BASP1: variants seen among roughly 807,000 people sequenced by gnomAD.
The protein encoded by BASP1 is brain abundant membrane attached signal protein 1, also known as brain acid soluble protein 1.
A neutral mutation model predicts 2.2 loss-of-function variants in BASP1; 1 was observed. That is an observed-to-expected ratio of 0.46 (90% CI 0.16 to 2.17). The LOEUF (loss-of-function observed/expected upper bound fraction) is 2.17, where lower values mean the gene tolerates loss of function less well. Among genes scored for constraint, BASP1 ranks in the 30% most tolerant of loss-of-function variants. The pLI is 0.27. For synonymous variants in BASP1, 187 were observed against 154.2 expected (o/e 1.21, Z -1.58); for missense variants, 352 against 327.2 (o/e 1.08, Z -0.58).
rs1739750264 is a variant in BASP1, at chr5:17,236,440, T to G, written c.-10+18630T>G. The stretch of plus-strand genomic sequence containing the variant: ...CACCATGCCTGGCTAATTTTTTGTA[T>G]TTTTAGTAGAGACGGGGTTTCGCCT... On this transcript the variant is annotated intron_variant, in intron 1 of 1. Transcript: ENST00000322611. This position sits in a 1 kb window ranked among gnomAD's most constrained non-coding sequence, Gnocchi z 4.0. Among the ~76,000 whole-genome samples the G allele has an allele frequency of 6.6e-6, 1 of 152,122 alleles. No homozygotes were observed. Among genetic ancestry groups the G allele is most frequent in the African/African-American group, 2.4e-5 (1 of 41,428 alleles).
In BASP1 at chr5:17,250,226, C is replaced by T. The variant is rs113532238; in HGVS notation, c.-9-24982C>T. 2.3e-3 allele frequency among the ~76,000 whole-genome samples: 349 copies of T among 152,300 alleles called. 1 individual carries two copies. The highest frequency in any genetic ancestry group is 8.1e-3 in the African/African-American group (338 of 41,562). Reference sequence around the variant, plus strand: ...CCTCCCAAAGTGCTGGGATGATAGGCGTGAGCCACCGCGCCCGGCCCTGAT... The same window carrying T: ...CCTCCCAAAGTGCTGGGATGATAGGTGTGAGCCACCGCGCCCGGCCCTGAT... On this transcript the variant is annotated intron_variant, in intron 1 of 1. Coordinates refer to ENST00000322611, the MANE Select transcript of BASP1 (RefSeq NM_006317.5).
At chr5:17,271,872 G>T (rs1435280839) in intron 1 of BASP1, among the ~76,000 whole-genome samples, 1 of 151,962 alleles carries the variant, frequency 6.6e-6, no homozygotes, top group Non-Finnish European at 1.5e-5. Context: ...TTCAAGACCA[G>T]CCTGGCCAAC....
chr5:17,255,231 A>C (rs1740183805), intron 1 of BASP1, among the ~76,000 whole-genome samples: 1 of 152,208 alleles, frequency 6.6e-6, no homozygotes, highest in South Asian at 2.1e-4. Flanking sequence ...TCTAGAAGAA[A>C]TCTTAGAGAT....
chr5:17,275,675 G>T lies in BASP1; in HGVS notation c.459G>T (p.Ala153=), dbSNP rs200993243. The part of the protein sequence containing the change: ...KEEGEPKKTE[A]PAAPAAQETK... ...AAGGGGAACCCAAAAAGACTGAGGC[G>T]CCCGCAGCTCCTGCCGCCCAGGAGA... is the stretch of plus-strand genomic sequence containing the variant. Residue 153 remains alanine (A), a synonymous_variant, in exon 2 of 2, where the codon GCG becomes GCT. Coordinates refer to ENST00000322611, the MANE Select transcript of BASP1 (RefSeq NM_006317.5). This position sits in a 1 kb window ranked among gnomAD's most constrained non-coding sequence, Gnocchi z 5.3. The T allele has an allele frequency of 1.0e-5, 16 of 1,568,530 alleles. No individual in the cohort carries two copies. The highest frequency in any genetic ancestry group is 1.3e-5 in the Non-Finnish European group (15 of 1,157,728).
chr5:17,243,049 C>T (rs1031102575), intron 1 of BASP1, among the ~76,000 whole-genome samples: 1 of 151,960 alleles, frequency 6.6e-6, no homozygotes, highest in African/African-American at 2.4e-5. Flanking sequence ...GGAAATGGAA[C>T]ATTCTGGAAC....
chr5:17,273,157 C>T lies in BASP1; in HGVS notation c.-9-2051C>T, dbSNP rs990928023. Reference sequence around the variant, plus strand: ...GAAATTATATTTGGTATAGGCCATTCGTGCATACTGACTAGTTAAGAATTC... The same window carrying T: ...GAAATTATATTTGGTATAGGCCATTTGTGCATACTGACTAGTTAAGAATTC... On this transcript the variant is annotated intron_variant, in intron 1 of 1. Coordinates refer to ENST00000322611, the MANE Select transcript of BASP1 (RefSeq NM_006317.5). Among the ~76,000 whole-genome samples, 5 of 152,258 alleles carry T rather than the reference C, an allele frequency of 3.3e-5. No individual in the cohort carries two copies. The East Asian group carries it at 9.7e-4, about 29-fold the overall frequency.
At position 17,276,140 on chromosome 5, in the gene BASP1, G is replaced by C. The variant is rs1740656971; in HGVS notation, c.*240G>C. The stretch of plus-strand genomic sequence containing the variant: ...GTGGGAGAATCCAAATAGTATTTTT[G>C]TGGGGAAATATCTAATATACCTTCA... On this transcript the variant is annotated 3_prime_UTR_variant, in exon 2 of 2. Coordinates refer to ENST00000322611, the MANE Select transcript of BASP1 (RefSeq NM_006317.5). 1 of 375,984 alleles carries C rather than the reference G, an allele frequency of 2.7e-6. No homozygotes were observed. Among genetic ancestry groups the C allele is most frequent in the African/African-American group, 2.1e-5 (1 of 47,888 alleles). The allele number at this position is 375,984 out of a possible 1,614,324, so 23.3% of individuals were successfully genotyped here.
chr5:17,275,587 A>G lies in BASP1; in HGVS notation c.371A>G (p.Glu124Gly), dbSNP rs1740629616. ...GGCGGCGAGGCCCCCAAAGCTGCTG[A>G]GGCCGCCGCGGCCCCGGCCGAGAGC... ...AAGGEAPKAA[E>G]AAAAPAESAA... Residue 124 changes from glutamate to glycine, a missense_variant, in exon 2 of 2, where the codon GAG (glutamate) becomes GGG (glycine). By Grantham distance (98) the Glu-to-Gly change is moderately conservative (BLOSUM62 -2). Transcript: ENST00000322611. This position sits in a 1 kb window ranked among gnomAD's most constrained non-coding sequence, Gnocchi z 5.3. 2 of 1,404,370 alleles carry G rather than the reference A, an allele frequency of 1.4e-6. No individual in the cohort carries two copies. Among genetic ancestry groups the G allele is most frequent in the South Asian group, 3.2e-5 (2 of 62,282 alleles). 87.0% of individuals were successfully genotyped at this position (1,404,370 alleles called of 1,614,324 possible).
chr5:17,226,188 T>A (rs1739499943), intron 1 of BASP1, among the ~76,000 whole-genome samples: 1 of 152,254 alleles, frequency 6.6e-6, no homozygotes, highest in Admixed American at 6.5e-5. Flanking sequence ...TTACGTAGAT[T>A]CAGAAATGGA....
At chr5:17,229,579 C>A (rs2962374) in intron 1 of BASP1, among the ~76,000 whole-genome samples, 55,454 of 151,836 alleles carry the variant, frequency 0.37, 10,515 homozygotes, top group African/African-American at 0.45. Context: ...GGACGAAAGC[C>A]CAGAGCAGGA....
intron 1 of BASP1, among the ~76,000 whole-genome samples, chr5:17,244,400 G>T (rs192917028): frequency 6.6e-6 from 1 of 152,202 alleles, no homozygotes; most frequent in Admixed American, 6.5e-5. Flanking sequence ...ATTCCTTAAG[G>T]ATCCCTAATG....
intron 1 of BASP1, among the ~76,000 whole-genome samples, chr5:17,231,377 C>G (rs2126493028): frequency 6.6e-6 from 1 of 152,264 alleles, no homozygotes; most frequent in African/African-American, 2.4e-5. Flanking sequence ...AGCTTCTATT[C>G]TCTCCTGGAT....
intron 1 of BASP1, among the ~76,000 whole-genome samples, chr5:17,239,189 G>A (rs894375781): frequency 1.6e-4 from 24 of 152,188 alleles, no homozygotes; most frequent in Non-Finnish European, 2.8e-4. Flanking sequence ...TGCCTCCCGG[G>A]TTCAAGTGAT....
At chr5:17,252,018 C>G (rs1256181845) in intron 1 of BASP1, among the ~76,000 whole-genome samples, 1 of 152,006 alleles carries the variant, frequency 6.6e-6, no homozygotes, top group East Asian at 1.9e-4. Context: ...GCAAGTGCAC[C>G]AAGACTGAAT....
chr5:17,246,349 G>C (rs373398213), intron 1 of BASP1, among the ~76,000 whole-genome samples: 10 of 152,176 alleles, frequency 6.6e-5, no homozygotes, highest in African/African-American at 2.4e-4. Context: ...TTACCTGGGA[G>C]TGGTGGTGCG....
chr5:17,218,584 G>GGGTCCC (rs1739317278), intron 1 of BASP1, among the ~76,000 whole-genome samples: 1 of 152,102 alleles, frequency 6.6e-6, no homozygotes. Flanking sequence ...CCTCCGCCCT[G>GGGTCCC]GGTCCCGGCC....
At chr5:17,225,354 A>G (rs1025764644) in intron 1 of BASP1, among the ~76,000 whole-genome samples, 2 of 151,128 alleles carry the variant, frequency 1.3e-5, no homozygotes, top group Non-Finnish European at 2.9e-5. Flanking sequence ...TACACCACAC[A>G]TGCCCCAGGG....
chr5:17,232,566 A>G (rs1303284243), intron 1 of BASP1, among the ~76,000 whole-genome samples: 1 of 152,236 alleles, frequency 6.6e-6, no homozygotes, highest in Non-Finnish European at 1.5e-5. Context: ...CCTGTGGTCC[A>G]GTAAAGGGCT....
intron 1 of BASP1, among the ~76,000 whole-genome samples, chr5:17,243,335 G>A (rs186503156): frequency 6.6e-6 from 1 of 152,152 alleles, no homozygotes; most frequent in African/African-American, 2.4e-5. Flanking sequence ...TGTATTTTTA[G>A]TAGAGACAGG....
Sources: gnomAD v4.1 joint callset for allele counts (sites outside exome capture counted in the v4.1 genomes callset) on GRCh38, gnomAD v4.1.1 for gene constraint, Gnocchi (gnomAD v3.1) non-coding constraint, MANE v1.5 for transcripts, NCBI Gene and HGNC (gene_info 2026-07-23, HGNC 2026-07-21) for gene names.